The following SALL1 variants were observed in gnomAD, a reference collection of about 807,000 sequenced individuals.
SALL1 encodes spalt like transcription factor 1, also known as sal-like protein 1.
A neutral mutation model predicts 73.1 loss-of-function variants in SALL1; 10 were observed. The ratio of observed to expected loss-of-function variants is 0.14; its 90% confidence interval spans 0.08 to 0.23. The LOEUF (loss-of-function observed/expected upper bound fraction) is 0.23. Among genes scored for constraint, SALL1 ranks in the 10% least tolerant of loss-of-function variants. The probability of loss-of-function intolerance (pLI) is 1.00; values close to 1 mark genes in which losing one functional copy is unlikely to be tolerated. For missense variants in SALL1, 1,520 were observed against 1,697.3 expected, an observed-to-expected ratio of 0.90 and a Z score of 1.84; for synonymous variants, 688 against 689.8, an observed-to-expected ratio of 1.00 and a Z score of 0.04.
intron 1 of SALL1, chr16:51,150,965 C>T (rs1962589932): frequency 4.8e-6 from 2 of 415,298 alleles, no homozygotes; most frequent in Non-Finnish European, 4.2e-6. Context: ...GCTCGCTTTC[C>T]CCGGGGCAGC....
upstream of SALL1, chr16:51,151,281 TAA>T: frequency 7.1e-7 from 1 of 1,400,496 alleles, no homozygotes; most frequent in Admixed American, 2.2e-5. Flanking sequence ...AAAAAATTAC[TAA>T]AAAAAAATCT....
At chr16:51,143,852 T>A (rs1318394369) in intron 1 of SALL1, among the ~76,000 whole-genome samples, 3 of 152,200 alleles carry the variant, frequency 2.0e-5, no homozygotes, top group African/African-American at 7.2e-5. Context: ...GCTTTCCTAA[T>A]ACCCATCTTT....
chr16:51,149,589 G>GT (rs1295144091), intron 1 of SALL1: 1 of 152,228 alleles, frequency 6.6e-6, no homozygotes, highest in Admixed American at 6.5e-5. Flanking sequence ...GAGGCCGTGG[G>GT]TAAGGATTCA....
intron 1 of SALL1, among the ~76,000 whole-genome samples, chr16:51,143,865 A>G (rs1006251468): frequency 3.3e-5 from 5 of 152,164 alleles, no homozygotes; most frequent in East Asian, 1.9e-4. Context: ...CCATCTTTTA[A>G]TCTCCACAAG....
At chr16:51,144,170 A>G (rs72793938) in intron 1 of SALL1, among the ~76,000 whole-genome samples, 16,397 of 152,234 alleles carry the variant, frequency 0.11, 1,111 homozygotes, top group East Asian at 0.23. Context: ...TGATGCATCC[A>G]TTTCAGATGC....
At chr16:51,150,201 C>G (rs1328178573) in intron 1 of SALL1, among the ~76,000 whole-genome samples, 2 of 152,230 alleles carry the variant, frequency 1.3e-5, no homozygotes, top group African/African-American at 4.8e-5. Context: ...TTGTTCTGGA[C>G]TTGTTCAGCC....
rs1962388693 is a variant in SALL1, at chr16:51,140,036, G to A, written c.2186C>T (p.Thr729Ile). 6.2e-7 allele frequency: 1 copy of A among 1,614,254 alleles called. No homozygotes were observed. ...SALKMHYRTH[T>I]GERPFKCKIC... Reference sequence around the variant, plus strand: ...CTTACACTTAAAGGGCCTCTCCCCAGTGTGTGTCCTGTAGTGCATTTTCAA... The same window carrying A: ...CTTACACTTAAAGGGCCTCTCCCCAATGTGTGTCCTGTAGTGCATTTTCAA... Residue 729 changes from threonine (T) to isoleucine (I), a missense_variant, in exon 2 of 3, where the codon ACT (threonine) becomes ATT (isoleucine). Coordinates refer to ENST00000251020, the MANE Select transcript of SALL1 (RefSeq NM_002968.3). This position sits in a 1 kb window ranked among gnomAD's most constrained non-coding sequence, Gnocchi z 5.7.
In SALL1 at chr16:51,139,509, C is replaced by A. The variant is rs1435817524; in HGVS notation, c.2713G>T (p.Val905Leu). Reference sequence around the variant, plus strand: ...CTTTGGCTTTCCATGTCACCACCCACTGAGGATGAATCATTGGTCAGGACA... The same window carrying A: ...CTTTGGCTTTCCATGTCACCACCCAATGAGGATGAATCATTGGTCAGGACA... ...GDVLTNDSSS[V>L]GGDMESQSAG... Residue 905 changes from valine (V) to leucine (L), a missense_variant, in exon 2 of 3, where the codon GTG becomes TTG. By Grantham distance (32) the Val-to-Leu change is conservative. Transcript: ENST00000251020. 5.0e-6 allele frequency: 8 copies of A among 1,614,262 alleles called. No individual in the cohort carries two copies. The highest frequency in any genetic ancestry group is 3.3e-4 in the Middle Eastern group (2 of 6,062).
intron 1 of SALL1, chr16:51,150,296 C>T: frequency 5.6e-6 from 4 of 718,254 alleles, no homozygotes; most frequent in Non-Finnish European, 6.8e-6. Context: ...TGGCCACCCG[C>T]AAACCTGGAA....
rs1280663097 is a variant in SALL1, at chr16:51,138,992, G to A, written c.3230C>T (p.Pro1077Leu). ...LGPNQNSAVI[P>L]ANSLSSLIKT... Reference sequence around the variant, plus strand: ...GATGAGAGATGACAACGAGTTGGCGGGAATCACCGCTGAGTTCTGATTGGG... The same window carrying A: ...GATGAGAGATGACAACGAGTTGGCGAGAATCACCGCTGAGTTCTGATTGGG... Residue 1077 changes from proline (P) to leucine (L), a missense_variant, in exon 2 of 3, where the codon CCC becomes CTC. Around this residue, in one of 7 missense-constraint regions of SALL1, gnomAD observed 318 missense variants for 357.1 expected, o/e 0.89. Transcript: ENST00000251020. The A allele has an allele frequency of 1.2e-6, 2 of 1,614,074 alleles. No homozygotes were observed. The highest frequency in any genetic ancestry group is 1.1e-5 in the South Asian group (1 of 91,080).
At chr16:51,145,528 G>C (rs1485172216) in intron 1 of SALL1, among the ~76,000 whole-genome samples, 2 of 152,190 alleles carry the variant, frequency 1.3e-5, no homozygotes, top group South Asian at 4.2e-4. Flanking sequence ...CTTTTGTTGG[G>C]GGGGCGGGAA....
rs1455655926 is a variant in SALL1, at chr16:51,141,729, A to AGCTGCC, written c.487_492dup (p.Gly163_Ser164dup). 2.2e-5 allele frequency: 36 copies of AGCTGCC among 1,612,084 alleles called. No homozygotes were observed. Among genetic ancestry groups the AGCTGCC allele is most frequent in the Non-Finnish European group, 3.1e-5 (36 of 1,179,742 alleles). ...GTGATCGCTGAGGTACCTGTGGAGG[A>AGCTGCC]GCTGCCGCCGCCGCCGCTGCTGCTG... On this transcript the variant is annotated inframe_insertion, in exon 2 of 3. Transcript: ENST00000251020. The surrounding 1 kb of genome is among the most constrained non-coding windows in gnomAD (Gnocchi z 5.4).
At position 51,137,025 on chromosome 16, in the gene SALL1, G is replaced by T; in HGVS notation, c.*87C>A. ...GATCTGGGGAACAGAAGGAAGGGGC[G>T]GGGCGGGGTGGGGGGCAAGGAGTAG... On this transcript the variant is annotated 3_prime_UTR_variant, in exon 3 of 3. Transcript: ENST00000251020. 2 of 1,169,396 alleles carry T rather than the reference G, an allele frequency of 1.7e-6. No individual in the cohort carries two copies. Among genetic ancestry groups the T allele is most frequent in the African/African-American group, 1.5e-5 (1 of 65,640 alleles). The allele number at this position is 1,169,396 out of a possible 1,614,324, so 72.4% of individuals were successfully genotyped here.
Position 51,139,111 on chromosome 16 carries a change from G to A in SALL1, c.3111C>T (p.Gly1037=), listed in dbSNP as rs1412627725. The A allele has an allele frequency of 6.2e-7, 1 of 1,614,200 alleles. No individual in the cohort carries two copies. The highest frequency in any genetic ancestry group is 1.3e-5 in the African/African-American group (1 of 75,054). The part of the protein sequence containing the change: ...RPFICTVCNR[G]FSTKGNLKQH... ...GCTTCAAATTACCCTTTGTGGAAAAGCCACGATTGCAAACTGTGCAAATAA... is the reference window on the plus strand; with the variant it reads ...GCTTCAAATTACCCTTTGTGGAAAAACCACGATTGCAAACTGTGCAAATAA... Residue 1037 remains glycine, a synonymous_variant, in exon 2 of 3, where the codon GGC becomes GGT. Coordinates refer to ENST00000251020, the MANE Select transcript of SALL1 (RefSeq NM_002968.3).
rs1962329330 is a variant in SALL1, at chr16:51,137,430, C to T, written c.3657G>A (p.Lys1219=). The change falls in exon 3 of 3, where the codon AAG becomes AAA. Residue 1219 remains lysine, a synonymous_variant. Transcript: ENST00000251020. ...NPVKFPEMFQ[K]DLAARSGSGD... is the part of the protein sequence containing the mutation. ...CACTTCCTGATCTTGCCGCCAAATCCTTCTGGAACATTTCTGGGAACTTGA... is the reference window on the plus strand; with the variant it reads ...CACTTCCTGATCTTGCCGCCAAATCTTTCTGGAACATTTCTGGGAACTTGA... 3 of 1,613,956 alleles carry T rather than the reference C, an allele frequency of 1.9e-6. No homozygotes were observed. In the Admixed American group the frequency reaches 5.0e-5, roughly 27 times the overall value.
In SALL1 at chr16:51,141,811, G is replaced by A. The variant is rs151051011; in HGVS notation, c.411C>T (p.Ser137=). 844 of 1,613,810 alleles carry A rather than the reference G, an allele frequency of 5.2e-4. 5 individuals are homozygous for A. In the Middle Eastern group the frequency reaches 5.6e-3, roughly 11 times the overall value. Residue 137 remains serine (S), a synonymous_variant, in exon 2 of 3, where the codon AGC becomes AGT. Coordinates refer to ENST00000251020, the MANE Select transcript of SALL1 (RefSeq NM_002968.3). This position sits in a 1 kb window ranked among gnomAD's most constrained non-coding sequence, Gnocchi z 5.4. ...TGCTGTGGCTGCCGCTGGAAGTGCC[G>A]CTGCCGCTTTTGTTAGCAACCGGGG... The part of the protein sequence containing the change: ...VEAPVANKSG[S]GTSSGSHSST...
upstream of SALL1, among the ~76,000 whole-genome samples, chr16:51,151,794 C>G (rs2143481744): frequency 6.6e-6 from 1 of 151,694 alleles, no homozygotes; most frequent in Non-Finnish European, 1.5e-5. Context: ...CATGCCCTCC[C>G]CGGAATTGAG....
At position 51,136,718 on chromosome 16, in the gene SALL1, C is replaced by T. The variant is rs1346202111; in HGVS notation, c.*394G>A. ...ACTTTATTAGAGATCTAATGCATCA[C>T]TGAGGCATTGCATCAACACCAGATT... On this transcript the variant is annotated 3_prime_UTR_variant, in exon 3 of 3. Transcript: ENST00000251020. The T allele has an allele frequency of 7.1e-6, 2 of 282,016 alleles. No homozygotes were observed. Among genetic ancestry groups the T allele is most frequent in the Admixed American group, 4.9e-5 (1 of 20,416 alleles). 17.5% of individuals were successfully genotyped at this position (282,016 alleles called of 1,614,324 possible).
upstream of SALL1, chr16:51,151,975 T>G (rs1384318543): frequency 1.3e-5 from 2 of 150,538 alleles, no homozygotes; most frequent in Non-Finnish European, 1.5e-5. Context: ...CTTCGTTTCT[T>G]TAAGAGCTAC....
Sources: allele counts gnomAD v4.1 joint callset (sites outside exome capture counted in the v4.1 genomes callset), GRCh38; gene constraint gnomAD v4.1.1; regional missense constraint gnomAD v4.1.1; non-coding constraint Gnocchi (gnomAD v3.1); transcripts MANE v1.5; gene names NCBI Gene and HGNC (gene_info 2026-07-23, HGNC 2026-07-21).